Variants in C2CD2 observed in about 807,000 individuals in gnomAD.
C2CD2 encodes the protein C2 domain-containing protein 2.
Under a neutral mutation model 74.3 loss-of-function variants are expected in C2CD2, and 43 were observed. That is an observed-to-expected ratio of 0.58 (90% confidence interval 0.45 to 0.75). C2CD2 has a LOEUF of 0.75. Ranked by LOEUF, C2CD2 falls within the 30% of genes least tolerant of loss-of-function variation. C2CD2 has a pLI of 0.00. For synonymous variants in C2CD2, 422 were observed against 390.7 expected (o/e 1.08, Z -0.94); for missense variants, 801 against 916.3 (o/e 0.87, Z 1.63).
intron 1 of C2CD2, among the ~76,000 whole-genome samples, chr21:41,946,229 G>A (rs1326231788): frequency 6.6e-6 from 1 of 152,186 alleles, no homozygotes; most frequent in Non-Finnish European, 1.5e-5. Context: ...CAGGCTCAAA[G>A]CATCTCCCCA....
At position 41,950,083 on chromosome 21, in the gene C2CD2, C is replaced by A. The variant is rs141400201; in HGVS notation, c.279+3287G>T. ...AGCAAACCAACATGGCACACGTATA[C>A]CTATGTAACAACCTGCACGTTGTGC... is the stretch of plus-strand genomic sequence containing the variant. On this transcript the variant is annotated intron_variant, in intron 1 of 13. Coordinates refer to ENST00000380486, the MANE Select transcript of C2CD2 (RefSeq NM_015500.2). Among the ~76,000 whole-genome samples the A allele has an allele frequency of 3.7e-3, 558 of 151,970 alleles. 5 individuals are homozygous for A. Among genetic ancestry groups the A allele is most frequent in the African/African-American group, 0.012 (498 of 41,370 alleles).
Position 41,945,937 on chromosome 21 carries a change from C to T in C2CD2, c.280-3692G>A, listed in dbSNP as rs1049415889. ...TCCTTTAGAGCAGTGTGAAAACAGA[C>T]TGATACAACAATATAATAAATAGTG... On this transcript the variant is annotated intron_variant, in intron 1 of 13. Coordinates refer to ENST00000380486, the MANE Select transcript of C2CD2 (RefSeq NM_015500.2). This position sits in a 1 kb window ranked among gnomAD's most constrained non-coding sequence, Gnocchi z 4.2. Among the ~76,000 whole-genome samples, 1 of 152,126 alleles carries T rather than the reference C, an allele frequency of 6.6e-6. No homozygotes were observed. The highest frequency in any genetic ancestry group is 1.5e-5 in the Non-Finnish European group (1 of 68,028).
At chr21:41,905,344 G>A (rs2064947951) in intron 11 of C2CD2, among the ~76,000 whole-genome samples, 1 of 127,792 alleles carries the variant, frequency 7.8e-6, no homozygotes, top group Non-Finnish European at 1.5e-5. Context: ...AAGAGACAGG[G>A]TCTCGCTCTG....
chr21:41,940,811 A>C (rs1040981014), intron 2 of C2CD2, among the ~76,000 whole-genome samples: 13 of 152,226 alleles, frequency 8.5e-5, no homozygotes, highest in South Asian at 2.1e-4. Flanking sequence ...ATCATGTCTA[A>C]CTGCAACTCT....
Position 41,953,649 on chromosome 21 carries a change from G to A in C2CD2, c.-1C>T. On this transcript the variant is annotated 5_prime_UTR_variant, in exon 1 of 14. Coordinates refer to ENST00000380486, the MANE Select transcript of C2CD2 (RefSeq NM_015500.2). The stretch of plus-strand genomic sequence containing the variant: ...ACGAGCCCAGCCGGGCCATGGCCAT[G>A]GCGCATCCCCGGCCCGCCTCGCCCC... The A allele has an allele frequency of 6.9e-7, 1 of 1,442,516 alleles. No homozygotes were observed. The highest frequency in any genetic ancestry group is 9.1e-7 in the Non-Finnish European group (1 of 1,104,486). The allele number at this position is 1,442,516 out of a possible 1,614,324, so 89.4% of individuals were successfully genotyped here.
intron 2 of C2CD2, among the ~76,000 whole-genome samples, chr21:41,937,542 C>T (rs2065319099): frequency 6.6e-6 from 1 of 152,212 alleles, no homozygotes; most frequent in Non-Finnish European, 1.5e-5. Context: ...AGTTAAGTTT[C>T]TGTGGAGTCA....
intron 13 of C2CD2, chr21:41,894,993 C>G: frequency 2.2e-6 from 1 of 456,020 alleles, no homozygotes; most frequent in East Asian, 6.9e-5. Context: ...GGCTGCAGCA[C>G]CCGGAGATTC....
intron 12 of C2CD2, 87 bp downstream of exon 12, chr21:41,901,535 C>T (rs765418822): frequency 7.2e-7 from 1 of 1,387,864 alleles, no homozygotes; most frequent in South Asian, 1.2e-5. Flanking sequence ...TAACCAAGTG[C>T]TTGGGCTAAC....
rs569924238 is a variant in C2CD2 at position 41,921,896 on chromosome 21, C to T, written c.492+76G>A. ...AAACATGAACGTTACAGCCCTCTGA[C>T]TCACACCATGCTCACTCTTCACATT... On this transcript the variant is annotated intron_variant, in intron 3 of 13. Transcript: ENST00000380486. 2.4e-5 allele frequency: 21 copies of T among 889,360 alleles called. No individual in the cohort carries two copies. In the African/African-American group the frequency reaches 3.0e-4, roughly 13 times the overall value. The allele number at this position is 889,360 out of a possible 1,614,324, so 55.1% of individuals were successfully genotyped here.
intron 2 of C2CD2, among the ~76,000 whole-genome samples, chr21:41,940,428 C>T (rs563516940): frequency 3.3e-5 from 5 of 152,308 alleles, no homozygotes; most frequent in African/African-American, 1.2e-4. Context: ...CACAGGGATA[C>T]GTAAGAGGTG....
intron 13 of C2CD2, among the ~76,000 whole-genome samples, chr21:41,891,185 C>T (rs368636461): frequency 8.8e-6 from 1 of 114,242 alleles, no homozygotes; most frequent in African/African-American, 2.9e-5. Flanking sequence ...AGCCTGTGTG[C>T]AGGAGCTTCG....
At position 41,942,213 on chromosome 21, in the gene C2CD2, C is replaced by T. The variant is rs58190987; in HGVS notation, c.312G>A (p.Pro104=). ...GPPFLSFEED[P]RQQALELVVQ... ...CCACCAGCTCCAGTGCCTGCTGCCGCGGGTCCTCCTCAAAGGACAGGAAAG... is the reference window on the plus strand; with the variant it reads ...CCACCAGCTCCAGTGCCTGCTGCCGTGGGTCCTCCTCAAAGGACAGGAAAG... Residue 104 remains proline, a synonymous_variant, in exon 2 of 14, where the codon CCG becomes CCA. Coordinates refer to ENST00000380486, the MANE Select transcript of C2CD2 (RefSeq NM_015500.2). 1,812 of 1,549,588 alleles carry T rather than the reference C, an allele frequency of 1.2e-3. 23 individuals are homozygous for T. In the African/African-American group the frequency reaches 0.023, roughly 19 times the overall value.
chr21:41,891,452 G>A (rs2064752807), intron 13 of C2CD2, among the ~76,000 whole-genome samples: 1 of 152,204 alleles, frequency 6.6e-6, no homozygotes, highest in Non-Finnish European at 1.5e-5. Context: ...GTGCTGATGT[G>A]GCTAACTGCC....
chr21:41,928,544 C>CAAAAAAAAAAAAAAAAAAAAAAAAAAAAA (rs59346777), intron 2 of C2CD2, among the ~76,000 whole-genome samples: 2 of 72,268 alleles, frequency 2.8e-5, no homozygotes, highest in Non-Finnish European at 5.0e-5. Context: ...TAAAGCAAAG[C>CAAAAAAAAAAAAAAAAAAAAAAAAAAAAA]AAAAAAAAAA....
At chr21:41,948,192 G>A (rs1405679673) in intron 1 of C2CD2, among the ~76,000 whole-genome samples, 1 of 152,244 alleles carries the variant, frequency 6.6e-6, no homozygotes, top group African/African-American at 2.4e-5. Context: ...CAGAAGGCCT[G>A]AGTCCAGATG....
intron 1 of C2CD2, among the ~76,000 whole-genome samples, chr21:41,951,989 C>T (rs148408158): frequency 1.3e-5 from 2 of 152,330 alleles, no homozygotes; most frequent in Non-Finnish European, 1.5e-5. Flanking sequence ...GACTCAGCCT[C>T]AGAAGCCTTG....
At chr21:41,912,477 T>C in intron 6 of C2CD2, 37 bp from the exon 7 acceptor site, 1 of 1,038,674 alleles carries the variant, frequency 9.6e-7, no homozygotes, top group Non-Finnish European at 1.3e-6. Flanking sequence ...TTGGCGTTTA[T>C]TTTTATTATT....
At chr21:41,944,412 C>G (rs903882343) in intron 1 of C2CD2, among the ~76,000 whole-genome samples, 2 of 150,800 alleles carry the variant, frequency 1.3e-5, no homozygotes, top group African/African-American at 4.9e-5. Context: ...ATCCCAGCTA[C>G]TCGGGAGGCT....
At chr21:41,944,521 C>CAAAAAAAAAAAA (rs369422328) in intron 1 of C2CD2, among the ~76,000 whole-genome samples, 6 of 97,886 alleles carry the variant, frequency 6.1e-5, no homozygotes, top group East Asian at 2.9e-4. Flanking sequence ...GACTCTGCCT[C>CAAAAAAAAAAAA]AAAAAAAAAA....
Sources: allele counts gnomAD v4.1 joint callset (sites outside exome capture counted in the v4.1 genomes callset), GRCh38; gene constraint gnomAD v4.1.1; non-coding constraint Gnocchi (gnomAD v3.1); transcripts MANE v1.5; gene names NCBI Gene and HGNC (gene_info 2026-07-23, HGNC 2026-07-21).